The following GPR107 variants were observed in gnomAD, a reference collection of about 807,000 sequenced individuals.
The protein encoded by GPR107 is G protein-coupled receptor 107.
Under a neutral mutation model 75.5 loss-of-function variants are expected in GPR107, and 31 were observed. The observed-to-expected ratio is 0.41, with a 90% CI of 0.31 to 0.55. The LOEUF (loss-of-function observed/expected upper bound fraction) is 0.55, where lower values mean the gene tolerates loss of function less well. Among genes scored for constraint, GPR107 ranks in the 20% least tolerant of loss-of-function variants. GPR107 has a pLI of 0.26. For missense variants in GPR107, 572 were observed against 665.7 expected (o/e 0.86, Z 1.55); for synonymous variants, 267 against 251.3 (o/e 1.06, Z -0.59).
At chr9:130,126,772 AT>A (rs951790206) in intron 15 of GPR107, among the ~76,000 whole-genome samples, 11 of 150,242 alleles carry the variant, frequency 7.3e-5, no homozygotes, top group East Asian at 1.9e-4. Flanking sequence ...CTTGGGGTTG[AT>A]TTTTTTTTTC....
rs1243071427 is a variant in GPR107 at position 130,103,601 on chromosome 9, T to A, written c.1132-819T>A. Among the ~76,000 whole-genome samples the A allele has an allele frequency of 6.6e-6, 1 of 152,214 alleles. No homozygotes were observed. Among genetic ancestry groups the A allele is most frequent in the Non-Finnish European group, 1.5e-5 (1 of 68,036 alleles). The stretch of plus-strand genomic sequence containing the variant: ...GCCTGAGTATATGAGGCTGTAGGGC[T>A]GGAATCAGCCATGCTCACCCTCTGG... On this transcript the variant is annotated intron_variant, in intron 12 of 17. Transcript: ENST00000347136. The surrounding 1 kb of genome is among the most constrained non-coding windows in gnomAD (Gnocchi z 4.3).
rs1831921193 is a variant in GPR107, at chr9:130,135,135, G to A, written c.*14G>A. The A allele has an allele frequency of 6.8e-7, 1 of 1,469,204 alleles. No homozygotes were observed. Among genetic ancestry groups the A allele is most frequent in the East Asian group, 2.3e-5 (1 of 44,116 alleles). The allele number at this position is 1,469,204 out of a possible 1,614,324, so 91.0% of individuals were successfully genotyped here. On this transcript the variant is annotated 3_prime_UTR_variant, in exon 18 of 18. Coordinates refer to ENST00000347136, the MANE Select transcript of GPR107 (RefSeq NM_020960.5). ...GGCGCCGTGTGACAGAGCCGACCCT[G>A]AGGATGGCACTGTCCAAGGAAACTG... is the stretch of plus-strand genomic sequence containing the variant.
chr9:130,055,967 A>G (rs1829777931), intron 1 of GPR107, among the ~76,000 whole-genome samples: 1 of 151,932 alleles, frequency 6.6e-6, no homozygotes, highest in Non-Finnish European at 1.5e-5. Flanking sequence ...ATAAATAAAT[A>G]AATAAATGCA....
At chr9:130,087,683 G>C (rs1160582935) in intron 7 of GPR107, among the ~76,000 whole-genome samples, 1 of 151,350 alleles carries the variant, frequency 6.6e-6, no homozygotes, top group African/African-American at 2.4e-5. Flanking sequence ...TGTGCCTCTA[G>C]TCCCAGCTAC....
At chr9:130,078,493 G>A (rs11792524) in intron 4 of GPR107, among the ~76,000 whole-genome samples, 52,652 of 152,084 alleles carry the variant, frequency 0.35, 9,249 homozygotes, top group Non-Finnish European at 0.4. Flanking sequence ...CTCCTGTATT[G>A]GTCAGTCTAC....
At position 130,086,334 on chromosome 9, in the gene GPR107, ATGTTT is replaced by A. The variant is rs996761120; in HGVS notation, c.565-75_565-71del. 9 of 751,360 alleles carry A rather than the reference ATGTTT, an allele frequency of 1.2e-5. No homozygotes were observed. In the African/African-American group the frequency reaches 1.3e-4, roughly 11 times the overall value. 46.5% of individuals were successfully genotyped at this position (751,360 alleles called of 1,614,324 possible). A position where few individuals can be genotyped will look rare whatever the true frequency, so the allele number is the denominator to read the frequency against. Reference sequence around the variant, plus strand: ...TCAGCAAATTTAGAGTTTAAGAAACATGTTTTGTTTTGTTTAATAAATTACTTTTA... The same window carrying A: ...TCAGCAAATTTAGAGTTTAAGAAACATGTTTTGTTTAATAAATTACTTTTA... On this transcript the variant is annotated intron_variant, in intron 6 of 17. Transcript: ENST00000347136.
In GPR107 at chr9:130,090,939, C is replaced by A; in HGVS notation, c.685C>A (p.Leu229Ile). Residue 229 changes from leucine to isoleucine, a missense_variant, in exon 8 of 18, where the codon CTT becomes ATT. Leu to Ile is a conservative substitution (Grantham distance 5, BLOSUM62 2). Coordinates refer to ENST00000347136, the MANE Select transcript of GPR107 (RefSeq NM_020960.5). ...TTACAGTCTTTATTTTCATAAATGCCTTGGAAAAGAATTGCCAAGTGACAA... is the reference window on the plus strand; with the variant it reads ...TTACAGTCTTTATTTTCATAAATGCATTGGAAAAGAATTGCCAAGTGACAA... ...GLYSLYFHKC[L>I]GKELPSDKFT... The A allele has an allele frequency of 6.4e-7, 1 of 1,558,888 alleles. No individual in the cohort carries two copies. Among genetic ancestry groups the A allele is most frequent in the Non-Finnish European group, 8.8e-7 (1 of 1,130,522 alleles).
At chr9:130,134,756 T>C (rs1366617130) in intron 17 of GPR107, among the ~76,000 whole-genome samples, 1 of 152,262 alleles carries the variant, frequency 6.6e-6, no homozygotes, top group Non-Finnish European at 1.5e-5. Context: ...GTGATAACGA[T>C]AGCTGGTGTT....
intron 15 of GPR107, among the ~76,000 whole-genome samples, chr9:130,125,991 G>A (rs1013447348): frequency 4.0e-5 from 6 of 150,348 alleles, no homozygotes; most frequent in African/African-American, 1.5e-4. Flanking sequence ...GGAGGCTGAG[G>A]TTGCAGTAAG....
chr9:130,115,224 GA>G (rs2132633086), intron 14 of GPR107, among the ~76,000 whole-genome samples: 1 of 152,178 alleles, frequency 6.6e-6, no homozygotes, highest in African/African-American at 2.4e-5. Flanking sequence ...TAATATCATG[GA>G]TTCATGGACC....
At chr9:130,078,119 C>T (rs1003471776) in intron 4 of GPR107, among the ~76,000 whole-genome samples, 9 of 151,158 alleles carry the variant, frequency 6.0e-5, no homozygotes, top group African/African-American at 1.2e-4. Flanking sequence ...GAGCCGAGAT[C>T]GCGCCACTGC....
At chr9:130,055,938 C>A (rs1353883031) in intron 1 of GPR107, among the ~76,000 whole-genome samples, 1 of 151,590 alleles carries the variant, frequency 6.6e-6, no homozygotes, top group Non-Finnish European at 1.5e-5. Flanking sequence ...AAGAACTATA[C>A]TCTGTCTCAA....
intron 3 of GPR107, among the ~76,000 whole-genome samples, chr9:130,076,892 T>G (rs1564664150): frequency 6.7e-6 from 1 of 148,994 alleles, no homozygotes; most frequent in Non-Finnish European, 1.5e-5. Flanking sequence ...TTTTGTTTTT[T>G]GTTTTTTTTT....
At position 130,056,924 on chromosome 9, in the gene GPR107, C is replaced by CAAAA. The variant is rs11442007; in HGVS notation, c.141+2875_141+2878dup. ...TGGGTGACAGAGCGAGACTCCTTCTCAAAAAAAAAAAAAAAAAAAAAAAAA... is the reference window on the plus strand; with the variant it reads ...TGGGTGACAGAGCGAGACTCCTTCTCAAAAAAAAAAAAAAAAAAAAAAAAAAAAA... On this transcript the variant is annotated intron_variant, in intron 1 of 17. Transcript: ENST00000347136. Among the ~76,000 whole-genome samples the CAAAA allele has an allele frequency of 8.2e-4, 35 of 42,884 alleles. 2 individuals are homozygous for CAAAA. The highest frequency in any genetic ancestry group is 3.2e-3 in the African/African-American group (28 of 8,644). The allele number at this position is 42,884 out of a possible 152,430, so 28.1% of individuals were successfully genotyped here. A position where few individuals can be genotyped will look rare whatever the true frequency, so the allele number is the denominator to read the frequency against.
intron 17 of GPR107, among the ~76,000 whole-genome samples, chr9:130,131,876 CTGTCCATCCTTCT>C (rs1172163790): frequency 1.3e-5 from 2 of 152,166 alleles, no homozygotes; most frequent in African/African-American, 2.4e-5. Context: ...TCTCCCCTTC[CTGTCCATCCTTCT>C]ATTCCCCTGC....
intron 17 of GPR107, among the ~76,000 whole-genome samples, chr9:130,134,118 C>T (rs1286333806): frequency 6.6e-6 from 1 of 152,106 alleles, no homozygotes; most frequent in Non-Finnish European, 1.5e-5. Context: ...GAGCATAAAT[C>T]CTCATTGTTT....
intron 1 of GPR107, among the ~76,000 whole-genome samples, chr9:130,061,343 CT>C (rs1794291901): frequency 6.6e-6 from 1 of 152,206 alleles, no homozygotes; most frequent in African/African-American, 2.4e-5. Context: ...GAGAGAGACT[CT>C]GAAGAGTTAA....
At chr9:130,114,029 C>CTTTTTTTTATTTTTTTTT (rs1831363531) in intron 14 of GPR107, among the ~76,000 whole-genome samples, 1 of 90,658 alleles carries the variant, frequency 1.1e-5, no homozygotes, top group Non-Finnish European at 2.0e-5. Context: ...TCTTCTCATT[C>CTTTTTTTTATTTTTTTTT]TTTTTTTTTT....
chr9:130,091,498 T>G (rs974516074), intron 8 of GPR107, among the ~76,000 whole-genome samples: 2 of 145,686 alleles, frequency 1.4e-5, no homozygotes, highest in Admixed American at 6.9e-5. Flanking sequence ...AAAAAAAAAG[T>G]GGTTGTGTGG....
Sources: gnomAD v4.1 joint callset for allele counts (sites outside exome capture counted in the v4.1 genomes callset) on GRCh38, gnomAD v4.1.1 for gene constraint, Gnocchi (gnomAD v3.1) non-coding constraint, MANE v1.5 for transcripts, NCBI Gene and HGNC (gene_info 2026-07-23, HGNC 2026-07-21) for gene names.